Variants in CHIC2 observed in about 807,000 individuals in gnomAD.
The protein encoded by CHIC2 is cysteine-rich hydrophobic domain-containing protein 2.
CHIC2 carries 14 observed loss-of-function variants against 25.9 expected under a neutral mutation model. That is an observed-to-expected ratio of 0.54 (90% CI 0.36 to 0.85). The LOEUF (loss-of-function observed/expected upper bound fraction) is 0.85, where lower values mean the gene tolerates loss of function less well. CHIC2 is among the 40% of genes least tolerant of loss of function. The pLI, the probability that CHIC2 is intolerant of heterozygous loss-of-function variation, is 0.01. For synonymous variants in CHIC2, 70 were observed against 72.0 expected (o/e 0.97, Z 0.14); for missense variants, 146 against 202.0 (o/e 0.72, Z 1.68).
chr4:54,087,681 C>T, the CHIC2 span: 1 of 542,534 alleles, frequency 1.8e-6, no homozygotes, highest in Non-Finnish European at 3.3e-6. Flanking sequence ...TATTGTTGGG[C>T]CATTTGCATG....
upstream of CHIC2, among the ~76,000 whole-genome samples, chr4:54,068,571 T>C (rs1419505668): frequency 6.6e-6 from 1 of 152,258 alleles, no homozygotes; most frequent in Non-Finnish European, 1.5e-5. Flanking sequence ...ACACAGTCTA[T>C]GGTATTTTGT....
In CHIC2 at chr4:54,064,462, T is replaced by G. The variant is rs1717446521; in HGVS notation, c.-162A>C. The G allele has an allele frequency of 1.3e-6, 2 of 1,487,508 alleles. No homozygotes were observed. The highest frequency in any genetic ancestry group is 1.3e-5 in the South Asian group (1 of 74,368). The allele number at this position is 1,487,508 out of a possible 1,614,324, so 92.1% of individuals were successfully genotyped here. A position where few individuals can be genotyped will look rare whatever the true frequency, so the allele number is the denominator to read the frequency against. ...GTCTCGGCTCCGGCTACAGAGGGGA[T>G]GGGGTCTGGACCGTCGCCGCCACCG... On this transcript the variant is annotated 5_prime_UTR_variant, in exon 1 of 6. Transcript: ENST00000263921. The surrounding 1 kb of genome is among the most constrained non-coding windows in gnomAD (Gnocchi z 4.2).
At chr4:54,054,249 T>A (rs190688738) in intron 1 of CHIC2, among the ~76,000 whole-genome samples, 1 of 152,368 alleles carries the variant, frequency 6.6e-6, no homozygotes, top group East Asian at 1.9e-4. Flanking sequence ...ATAGTTCAAG[T>A]CCATCTAATC....
the CHIC2 span, among the ~76,000 whole-genome samples, chr4:54,089,666 T>TA: frequency 6.6e-6 from 1 of 152,180 alleles, no homozygotes; most frequent in African/African-American, 2.4e-5. Flanking sequence ...TTAACAGGAC[T>TA]AAAAATGCTT....
At chr4:54,051,521 C>G (rs1171010451) in intron 1 of CHIC2, among the ~76,000 whole-genome samples, 2 of 152,104 alleles carry the variant, frequency 1.3e-5, no homozygotes, top group Non-Finnish European at 2.9e-5. Context: ...TCCTCACAAC[C>G]AACATTTTTT....
the CHIC2 span, among the ~76,000 whole-genome samples, chr4:54,071,121 G>A: frequency 6.6e-6 from 1 of 152,218 alleles, no homozygotes; most frequent in Non-Finnish European, 1.5e-5. Context: ...AGGGAAGGAA[G>A]ATGATCTAAA....
intron 1 of CHIC2, among the ~76,000 whole-genome samples, chr4:54,050,722 C>G (rs1036056020): frequency 1.3e-5 from 2 of 152,038 alleles, no homozygotes; most frequent in African/African-American, 4.8e-5. Flanking sequence ...GGTTTGTAGC[C>G]TAAGGGCTAT....
At chr4:54,020,235 C>A (rs1284518581) in intron 3 of CHIC2, among the ~76,000 whole-genome samples, 1 of 152,160 alleles carries the variant, frequency 6.6e-6, no homozygotes, top group Non-Finnish European at 1.5e-5. Flanking sequence ...CCCACCTTAA[C>A]TGATCAACGT....
rs1048766790 is a variant in CHIC2 at position 54,010,218 on chromosome 4, T to G, written c.448-73A>C. 1.1e-5 allele frequency: 12 copies of G among 1,065,676 alleles called. No homozygotes were observed. In the African/African-American group the frequency reaches 1.8e-4, roughly 16 times the overall value. The allele number at this position is 1,065,676 out of a possible 1,614,324, so 66.0% of individuals were successfully genotyped here. A position where few individuals can be genotyped will look rare whatever the true frequency, so the allele number is the denominator to read the frequency against. On this transcript the variant is annotated intron_variant, in intron 5 of 5. Coordinates refer to ENST00000263921, the MANE Select transcript of CHIC2 (RefSeq NM_012110.4). ...TTCTTAAAACTTCAATTATATGCTT[T>G]CACAATTTTTTTGAAAATCCATTCA...
intron 3 of CHIC2, among the ~76,000 whole-genome samples, chr4:54,033,576 G>A (rs556109935): frequency 1.8e-4 from 27 of 152,232 alleles, no homozygotes; most frequent in African/African-American, 6.0e-4. Flanking sequence ...TGCTGCTAAT[G>A]TTATACCTAG....
chr4:54,022,369 T>C (rs940027823), intron 3 of CHIC2, among the ~76,000 whole-genome samples: 1 of 152,128 alleles, frequency 6.6e-6, no homozygotes, highest in Non-Finnish European at 1.5e-5. Flanking sequence ...CGTCTCCTTC[T>C]AAATTAATAT....
rs1160481856 is a variant in CHIC2, at chr4:54,056,337, T to C, written c.120-7032A>G. On this transcript the variant is annotated intron_variant, in intron 1 of 5. Transcript: ENST00000263921. ...TTTTTGTATATCTGATTTATACATATTTTAGAATATTCTTCATACTTCTAT... is the reference window on the plus strand; with the variant it reads ...TTTTTGTATATCTGATTTATACATACTTTAGAATATTCTTCATACTTCTAT... 2.0e-5 allele frequency among the ~76,000 whole-genome samples: 3 copies of C among 152,304 alleles called. No homozygotes were observed. The East Asian group carries it at 5.8e-4, about 29-fold the overall frequency.
intron 3 of CHIC2, among the ~76,000 whole-genome samples, chr4:54,026,750 C>T (rs1716071764): frequency 6.6e-6 from 1 of 152,084 alleles, no homozygotes; most frequent in South Asian, 2.1e-4. Flanking sequence ...TCATTTTAAT[C>T]TGTTTACTTC....
At chr4:54,029,523 A>G (rs1466345730) in intron 3 of CHIC2, among the ~76,000 whole-genome samples, 1 of 152,254 alleles carries the variant, frequency 6.6e-6, no homozygotes, top group African/African-American at 2.4e-5. Context: ...CAGCAGTTAT[A>G]AGACTACATT....
intron 3 of CHIC2, among the ~76,000 whole-genome samples, chr4:54,022,462 G>C (rs1715932342): frequency 6.6e-6 from 1 of 152,054 alleles, no homozygotes; most frequent in South Asian, 2.1e-4. Flanking sequence ...TGATGGCCAG[G>C]CTTCTAAACC....
At chr4:54,010,215 C>T (rs1420985698) in intron 5 of CHIC2, 70 bp from the exon 6 acceptor site, 2 of 1,084,504 alleles carry the variant, frequency 1.8e-6, no homozygotes, top group Non-Finnish European at 2.7e-6. Context: ...CAATTATATG[C>T]TTTCACAATT....
At chr4:54,079,718 TCACTTCA>T in the CHIC2 span, among the ~76,000 whole-genome samples, 1 of 151,968 alleles carries the variant, frequency 6.6e-6, no homozygotes, top group African/African-American at 2.4e-5. Context: ...CAATGGGATA[TCACTTCA>T]CACCTGTTAG....
the CHIC2 span, chr4:54,087,164 A>C: frequency 4.0e-6 from 3 of 744,884 alleles, no homozygotes; most frequent in Admixed American, 5.5e-5. Context: ...CAAACAGAGG[A>C]CTCCTGGAAA....
At chr4:54,016,123 GT>G (rs1715731070) in intron 3 of CHIC2, among the ~76,000 whole-genome samples, 2 of 152,096 alleles carry the variant, frequency 1.3e-5, no homozygotes, top group Non-Finnish European at 2.9e-5. Flanking sequence ...TTGGGGGTGG[GT>G]GGATGATGAA....
Sources: allele counts gnomAD v4.1 joint callset (sites outside exome capture counted in the v4.1 genomes callset), GRCh38; gene constraint gnomAD v4.1.1; non-coding constraint Gnocchi (gnomAD v3.1); transcripts MANE v1.5; gene names NCBI Gene and HGNC (gene_info 2026-07-23, HGNC 2026-07-21).